The following CCSER1 variants were observed in gnomAD, a reference collection of about 807,000 sequenced individuals.
The protein encoded by CCSER1 is serine-rich coiled-coil domain-containing protein 1.
A neutral mutation model predicts 82.0 loss-of-function variants in CCSER1; 41 were observed. The ratio of observed to expected loss-of-function variants is 0.50; its 90% CI spans 0.39 to 0.65. The LOEUF (loss-of-function observed/expected upper bound fraction) is 0.65, where lower values mean the gene tolerates loss of function less well. Ranked by LOEUF, CCSER1 falls within the 30% of genes least tolerant of loss-of-function variation. The pLI is 0.00. For missense variants in CCSER1, 1,119 were observed against 1,064.2 expected (o/e 1.05, Z -0.72); for synonymous variants, 414 against 383.9 (o/e 1.08, Z -0.92).
intron 6 of CCSER1, among the ~76,000 whole-genome samples, chr4:90,704,230 T>G (rs994360931): frequency 1.3e-5 from 2 of 152,228 alleles, no homozygotes; most frequent in Non-Finnish European, 2.9e-5. Context: ...CCTTCACTTA[T>G]GAAGCTTAGT....
chr4:90,701,725 C>T (rs945827450), intron 6 of CCSER1, among the ~76,000 whole-genome samples: 1 of 152,150 alleles, frequency 6.6e-6, no homozygotes, highest in African/African-American at 2.4e-5. Context: ...ATTTTATTCT[C>T]TTTGAAGCAA....
intron 1 of CCSER1, among the ~76,000 whole-genome samples, chr4:90,239,913 A>G (rs1746526093): frequency 6.6e-6 from 1 of 152,232 alleles, no homozygotes; most frequent in Non-Finnish European, 1.5e-5. Flanking sequence ...ACCACATAGT[A>G]GGTTAAACTA....
At chr4:90,579,108 A>T (rs1237663180) in intron 5 of CCSER1, among the ~76,000 whole-genome samples, 1 of 125,182 alleles carries the variant, frequency 8.0e-6, no homozygotes, top group African/African-American at 3.6e-5. Context: ...ACTAAGAAAA[A>T]AGGGTAATAC....
At chr4:90,574,303 A>C (rs9995074) in intron 5 of CCSER1, among the ~76,000 whole-genome samples, 53,901 of 129,718 alleles carry the variant, frequency 0.42, 12,270 homozygotes, top group African/African-American at 0.65. Flanking sequence ...GCTCTGTCGC[A>C]CAGGCTGGAC....
intron 10 of CCSER1, among the ~76,000 whole-genome samples, chr4:91,488,630 TC>T (rs1249757471): frequency 6.6e-6 from 1 of 152,164 alleles, no homozygotes; most frequent in Non-Finnish European, 1.5e-5. Flanking sequence ...AGCTCTTTCT[TC>T]CTCCTGCTCC....
chr4:90,152,110 G>A (rs1214366970), intron 1 of CCSER1, among the ~76,000 whole-genome samples: 1 of 152,058 alleles, frequency 6.6e-6, no homozygotes, highest in Non-Finnish European at 1.5e-5. Context: ...AACAACACAG[G>A]GGATTTCTTA....
chr4:91,382,309 A>C (rs1021129914), intron 10 of CCSER1, among the ~76,000 whole-genome samples: 3 of 152,164 alleles, frequency 2.0e-5, no homozygotes, highest in African/African-American at 4.8e-5. Context: ...CCATGGGTAG[A>C]GTCTACAGAG....
chr4:90,862,907 CT>C (rs548953621), intron 8 of CCSER1, among the ~76,000 whole-genome samples: 12,385 of 122,014 alleles, frequency 0.1, 947 homozygotes, highest in African/African-American at 0.24. Context: ...TATTTTTTGT[CT>C]TTTTTTTTTT....
At chr4:91,048,883 A>G (rs1019971820) in intron 9 of CCSER1, among the ~76,000 whole-genome samples, 2 of 152,154 alleles carry the variant, frequency 1.3e-5, no homozygotes, top group African/African-American at 4.8e-5. Context: ...GGGCTTCCTT[A>G]TGATTCTCTG....
chr4:90,298,225 G>A (rs1384564422), intron 1 of CCSER1, among the ~76,000 whole-genome samples: 2 of 151,894 alleles, frequency 1.3e-5, no homozygotes, highest in African/African-American at 4.8e-5. Flanking sequence ...GTCTTGGGAG[G>A]GTGTATGTGT....
At chr4:91,526,874 T>C (rs1291033271) in intron 10 of CCSER1, among the ~76,000 whole-genome samples, 2 of 152,150 alleles carry the variant, frequency 1.3e-5, no homozygotes, top group African/African-American at 4.8e-5. Context: ...ATTATAGGCG[T>C]GGGCCACTGT....
chr4:91,158,642 GT>G (rs1731063563), intron 10 of CCSER1, among the ~76,000 whole-genome samples: 1 of 151,780 alleles, frequency 6.6e-6, no homozygotes, highest in Non-Finnish European at 1.5e-5. Flanking sequence ...GTGTGTGTGT[GT>G]GTGTCTCACT....
At chr4:91,328,712 G>C (rs1309615628) in intron 10 of CCSER1, among the ~76,000 whole-genome samples, 2 of 152,146 alleles carry the variant, frequency 1.3e-5, no homozygotes, top group Admixed American at 6.5e-5. Context: ...TTTGGCACCT[G>C]GGAATGTAGA....
chr4:90,631,008 C>G (rs1359018087), intron 6 of CCSER1, among the ~76,000 whole-genome samples: 1 of 151,852 alleles, frequency 6.6e-6, no homozygotes, highest in Non-Finnish European at 1.5e-5. Context: ...ATTCTCCTGC[C>G]TCAGCCTCCC....
intron 5 of CCSER1, among the ~76,000 whole-genome samples, chr4:90,489,938 T>A (rs1767713073): frequency 6.6e-6 from 1 of 152,222 alleles, no homozygotes; most frequent in Non-Finnish European, 1.5e-5. Flanking sequence ...ACATTTGGGT[T>A]GGTTCCAAGT....
intron 10 of CCSER1, among the ~76,000 whole-genome samples, chr4:91,467,493 A>C (rs759809170): frequency 6.6e-6 from 1 of 152,098 alleles, no homozygotes; most frequent in African/African-American, 2.4e-5. Context: ...ATGCCAAAAT[A>C]GACAAATGGG....
chr4:91,062,497 C>G (rs1371955950), intron 9 of CCSER1, among the ~76,000 whole-genome samples: 1 of 152,004 alleles, frequency 6.6e-6, no homozygotes, highest in Non-Finnish European at 1.5e-5. Flanking sequence ...AACTTTTGGT[C>G]CTAACCTTCT....
chr4:91,066,463 G>A (rs1272294627), intron 9 of CCSER1, among the ~76,000 whole-genome samples: 1 of 152,040 alleles, frequency 6.6e-6, no homozygotes, highest in African/African-American at 2.4e-5. Context: ...TGAAATGGAA[G>A]GTGACTCAGT....
At chr4:90,376,726 A>G (rs1748375134) in intron 3 of CCSER1, among the ~76,000 whole-genome samples, 1 of 152,192 alleles carries the variant, frequency 6.6e-6, no homozygotes, top group African/African-American at 2.4e-5. Context: ...AGAGTGGCTG[A>G]CAGGTGATGC....
Sources: gnomAD v4.1 joint callset for allele counts (sites outside exome capture counted in the v4.1 genomes callset) on GRCh38, gnomAD v4.1.1 for gene constraint, MANE v1.5 for transcripts, NCBI Gene and HGNC (gene_info 2026-07-23, HGNC 2026-07-21) for gene names.